The following RAF1 variants were observed in gnomAD, a reference collection of about 807,000 sequenced individuals.
RAF1 encodes the protein Raf-1 proto-oncogene, serine/threonine kinase.
In RAF1, 27 loss-of-function variants were observed where a neutral mutation model predicts 81.1. The observed-to-expected ratio is 0.33, with a 90% CI of 0.25 to 0.46. The LOEUF (loss-of-function observed/expected upper bound fraction) is 0.46, where lower values mean the gene tolerates loss of function less well. Ranked by LOEUF, RAF1 falls within the 20% of genes least tolerant of loss-of-function variation. The pLI, the probability that RAF1 is intolerant of heterozygous loss-of-function variation, is 1.00. For missense variants in RAF1, 598 were observed against 826.0 expected, an observed-to-expected ratio of 0.72 and a Z score of 3.38; for synonymous variants, 298 against 294.0, an observed-to-expected ratio of 1.01 and a Z score of -0.14.
chr3:12,618,134 T>C (rs2059434298), intron 2 of RAF1, among the ~76,000 whole-genome samples: 1 of 152,128 alleles, frequency 6.6e-6, no homozygotes. Flanking sequence ...TTATACTTGA[T>C]TGTAATAGTC....
chr3:12,663,664 CA>C lies in RAF1; in HGVS notation c.-27+148del, dbSNP rs1310489874. The C allele has an allele frequency of 1.5e-4, 42 of 278,870 alleles. 3 individuals are homozygous for C. Among genetic ancestry groups the C allele is most frequent in the Admixed American group, 3.3e-4 (5 of 14,936 alleles). 17.3% of individuals were successfully genotyped at this position (278,870 alleles called of 1,614,324 possible). ...CCGGGGCCCCCGCCCAACGCTACCC[CA>C]GGGTGACAACGGCCTGGCCCAAGCC... On this transcript the variant is annotated intron_variant, in intron 1 of 17. Coordinates refer to ENST00000442415, the MANE Select transcript of RAF1 (RefSeq NM_001354689.3).
intron 1 of RAF1, among the ~76,000 whole-genome samples, chr3:12,635,324 A>G (rs1012127463): frequency 1.4e-4 from 1 of 7,188 alleles, no homozygotes; most frequent in Non-Finnish European, 2.0e-4. Flanking sequence ...GTCTCAAAAA[A>G]AAAAAAAAAA....
At chr3:12,615,911 C>T (rs1186875316) in intron 2 of RAF1, among the ~76,000 whole-genome samples, 1 of 151,876 alleles carries the variant, frequency 6.6e-6, no homozygotes, top group East Asian at 1.9e-4. Flanking sequence ...ATTAGCCAGG[C>T]GTGGTGGCGG....
At chr3:12,658,188 G>A (rs1031816833) in intron 1 of RAF1, among the ~76,000 whole-genome samples, 4 of 152,140 alleles carry the variant, frequency 2.6e-5, no homozygotes, top group Non-Finnish European at 5.9e-5. Context: ...ATACTATACT[G>A]TATACACTAT....
intron 2 of RAF1, among the ~76,000 whole-genome samples, chr3:12,616,029 G>A (rs532174522): frequency 6.6e-6 from 1 of 152,148 alleles, no homozygotes; most frequent in South Asian, 2.1e-4. Context: ...TCCAGCCTGG[G>A]TGACAGTGAG....
chr3:12,652,514 C>T (rs548726535), intron 1 of RAF1, among the ~76,000 whole-genome samples: 32 of 151,868 alleles, frequency 2.1e-4, no homozygotes, highest in Non-Finnish European at 4.4e-4. Context: ...AAGCTAGACT[C>T]GGTCTCAAAG....
intron 1 of RAF1, among the ~76,000 whole-genome samples, chr3:12,663,188 G>A (rs767658662): frequency 6.6e-6 from 1 of 152,274 alleles, no homozygotes; most frequent in South Asian, 2.1e-4. Flanking sequence ...GGCGGCTCTC[G>A]CGTCACACAA....
At chr3:12,649,471 T>A (rs1417228031) in intron 1 of RAF1, among the ~76,000 whole-genome samples, 1 of 152,062 alleles carries the variant, frequency 6.6e-6, no homozygotes, top group African/African-American at 2.4e-5. Context: ...TGGTGACACA[T>A]GCCTCTAGTC....
intron 14 of RAF1, 46 bp from the exon 14 acceptor site, chr3:12,585,845 A>T: frequency 7.4e-7 from 1 of 1,357,272 alleles, no homozygotes; most frequent in Middle Eastern, 1.8e-4. Context: ...TGGTCAGGTT[A>T]ATTTTGAAAA....
intron 11 of RAF1, among the ~76,000 whole-genome samples, chr3:12,595,454 TCAAA>T (rs1159394946): frequency 2.6e-5 from 4 of 152,186 alleles, no homozygotes; most frequent in South Asian, 4.1e-4. Context: ...ACACTCATTT[TCAAA>T]CAAAGGCTTG....
rs752063874 is a variant in RAF1, at chr3:12,584,909, T to C, written c.1801A>G (p.Met601Val). ...ACACAGTCAGCTACCAGCCTCTTCA[T>C]TGCTTTGGGGCAGTTCTTATATAGC... The change falls in exon 17 of 18, where the codon ATG becomes GTG. Residue 601 changes from methionine to valine, a missense_variant. By Grantham distance (21) the Met-to-Val change is conservative. Coordinates refer to ENST00000442415, the MANE Select transcript of RAF1 (RefSeq NM_001354689.3). 13 of 1,614,082 alleles carry C rather than the reference T, an allele frequency of 8.1e-6. No homozygotes were observed. The highest frequency in any genetic ancestry group is 5.3e-5 in the African/African-American group (4 of 74,930).
At chr3:12,642,818 T>A (rs545976525) in intron 1 of RAF1, among the ~76,000 whole-genome samples, 1 of 147,608 alleles carries the variant, frequency 6.8e-6, no homozygotes, top group Non-Finnish European at 1.5e-5. Flanking sequence ...AACAGGGAGG[T>A]TGAGGCTGCA....
At chr3:12,655,474 G>A (rs1301801665) in intron 1 of RAF1, among the ~76,000 whole-genome samples, 1 of 152,210 alleles carries the variant, frequency 6.6e-6, no homozygotes, top group African/African-American at 2.4e-5. Flanking sequence ...CTTTGCTGGT[G>A]GGAAATGTAA....
chr3:12,587,404 G>A, intron 14 of RAF1, 187 bp downstream of exon 13: 2 of 681,224 alleles, frequency 2.9e-6, no homozygotes, highest in South Asian at 3.4e-5. Flanking sequence ...CAGTCCAGGT[G>A]AGGCATAAGC....
intron 16 of RAF1, 30 bp from the exon 16 acceptor site, chr3:12,585,011 G>A: frequency 1.2e-6 from 2 of 1,613,910 alleles, no homozygotes; most frequent in Non-Finnish European, 1.7e-6. Context: ...TGAGCTAATG[G>A]GGGGTGAATG....
chr3:12,584,858 G>A lies in RAF1; in HGVS notation c.1852C>T (p.Leu618Phe), dbSNP rs2058274541. 6.2e-7 allele frequency: 1 copy of A among 1,613,942 alleles called. No individual in the cohort carries two copies. Among genetic ancestry groups the A allele is most frequent in the African/African-American group, 1.3e-5 (1 of 74,906 alleles). Reference sequence around the variant, plus strand: ...GCCCTGAGCCTTACCTGGGGAAAAAGAGGCCTCTCTTCCTTTACTTTCTTC... The same window carrying A: ...GCCCTGAGCCTTACCTGGGGAAAAAAAGGCCTCTCTTCCTTTACTTTCTTC... The change falls in exon 17 of 18, where the codon CTT becomes TTT. Residue 618 changes from leucine (L) to phenylalanine (F), a missense_variant. Coordinates refer to ENST00000442415, the MANE Select transcript of RAF1 (RefSeq NM_001354689.3).
intron 1 of RAF1, among the ~76,000 whole-genome samples, chr3:12,641,320 T>C (rs1327855227): frequency 6.6e-6 from 1 of 151,242 alleles, no homozygotes; most frequent in Non-Finnish European, 1.5e-5. Flanking sequence ...TGTATACATA[T>C]GTAACAAACC....
rs1559438381 is a variant in RAF1, at chr3:12,611,992, G to A, written c.278C>T (p.Pro93Leu). 6.2e-7 allele frequency: 1 copy of A among 1,614,116 alleles called. No homozygotes were observed. Among genetic ancestry groups the A allele is most frequent in the Non-Finnish European group, 8.5e-7 (1 of 1,180,002 alleles). ...AAGTCTGAACACTGCACAGCACTCT[G>A]GTTGCAGGCCCCTCACCTTGAGTGC... The change falls in exon 3 of 18, where the codon CCA (proline) becomes CTA (leucine). Residue 93 changes from proline to leucine, a missense_variant. Pro to Leu is a moderately conservative substitution (Grantham distance 98). Around this residue, in one of 5 missense-constraint regions of RAF1, gnomAD observed 89 missense variants for 169.2 expected, o/e 0.53. Transcript: ENST00000442415.
At chr3:12,629,473 T>A (rs552613148) in intron 1 of RAF1, among the ~76,000 whole-genome samples, 1 of 152,336 alleles carries the variant, frequency 6.6e-6, no homozygotes, top group South Asian at 2.1e-4. Flanking sequence ...TTATTATGTA[T>A]CAGTTCTTTA....
Sources: gnomAD v4.1 joint callset for allele counts (sites outside exome capture counted in the v4.1 genomes callset) on GRCh38, gnomAD v4.1.1 for gene constraint, gnomAD v4.1.1 regional missense constraint, MANE v1.5 for transcripts, NCBI Gene and HGNC (gene_info 2026-07-23, HGNC 2026-07-21) for gene names.